The following GPHN variants were observed in gnomAD, a reference collection of about 807,000 sequenced individuals.
GPHN encodes the protein gephyrin.
A neutral mutation model predicts 95.5 loss-of-function variants in GPHN; 17 were observed. That is an observed-to-expected ratio of 0.18 (90% CI 0.12 to 0.27). The LOEUF (loss-of-function observed/expected upper bound fraction) is 0.27. Among genes scored for constraint, GPHN ranks in the 10% least tolerant of loss-of-function variants. The probability of loss-of-function intolerance (pLI) is 1.00; values close to 1 mark genes in which losing one functional copy is unlikely to be tolerated. For synonymous variants in GPHN, 320 were observed against 322.5 expected (o/e 0.99, Z 0.08); for missense variants, 660 against 978.1 (o/e 0.67, Z 4.34).
rs1450033804 is a variant in GPHN at position 67,181,520 on chromosome 14, C to T, written c.*583C>T. On this transcript the variant is annotated 3_prime_UTR_variant, in exon 23 of 23. Coordinates refer to ENST00000478722, the MANE Select transcript of GPHN (RefSeq NM_020806.5). ...TTCTCGCCCCAATAGCCTCACGGCA[C>T]AGTACTCTTGGGCAGTAACTGGACA... The T allele has an allele frequency of 1.9e-6, 1 of 513,700 alleles. No individual in the cohort carries two copies. Among genetic ancestry groups the T allele is most frequent in the East Asian group, 4.3e-5 (1 of 23,156 alleles). The allele number at this position is 513,700 out of a possible 1,614,324, so 31.8% of individuals were successfully genotyped here.
intron 4 of GPHN, among the ~76,000 whole-genome samples, chr14:66,845,178 A>G (rs965688055): frequency 2.0e-5 from 3 of 152,202 alleles, no homozygotes; most frequent in Non-Finnish European, 4.4e-5. Flanking sequence ...TAATGCTCCT[A>G]CAAACATTGG....
At chr14:67,294,657 A>G in the GPHN span, 1 of 152,062 alleles carries the variant, frequency 6.6e-6, no homozygotes, top group African/African-American at 2.4e-5. Flanking sequence ...ACACAAACCA[A>G]ATTTCTTAGA....
the GPHN span, chr14:67,382,329 T>G: frequency 6.5e-5 from 56 of 867,992 alleles, no homozygotes; most frequent in African/African-American, 9.7e-4. Context: ...CCTGTAGAAT[T>G]GGCAATTACG....
At chr14:66,802,501 T>C (rs561337880) in intron 3 of GPHN, among the ~76,000 whole-genome samples, 1 of 152,248 alleles carries the variant, frequency 6.6e-6, no homozygotes, top group Admixed American at 6.5e-5. Context: ...CCCTTTCACT[T>C]TTCCTTCTGC....
chr14:67,573,896 G>T, the GPHN span: 3 of 1,589,642 alleles, frequency 1.9e-6, no homozygotes, highest in Non-Finnish European at 2.6e-6. The surrounding 1 kb of genome is among the most constrained non-coding windows in gnomAD (Gnocchi z 4.8). Flanking sequence ...AGGTGAGCAC[G>T]CTCCTGGCTG....
At chr14:66,808,599 C>T (rs2060642352) in intron 3 of GPHN, among the ~76,000 whole-genome samples, 1 of 152,178 alleles carries the variant, frequency 6.6e-6, no homozygotes, top group Admixed American at 6.5e-5. Flanking sequence ...GAGTTTTAGA[C>T]CAGCCTGACC....
intron 4 of GPHN, among the ~76,000 whole-genome samples, chr14:66,878,275 G>A (rs574255899): frequency 6.6e-6 from 1 of 152,050 alleles, no homozygotes. Context: ...AAAAACCCTA[G>A]AAGAAAACAG....
chr14:67,540,115 T>C, the GPHN span, among the ~76,000 whole-genome samples: 673 of 152,234 alleles, frequency 4.4e-3, 18 homozygotes, highest in East Asian at 0.062. Context: ...AACAAATTTT[T>C]ATTATGGAAA....
At chr14:66,629,137 A>G (rs1374771265) in intron 1 of GPHN, among the ~76,000 whole-genome samples, 3 of 128,818 alleles carry the variant, frequency 2.3e-5, no homozygotes, top group African/African-American at 6.1e-5. Context: ...ATATAAATAT[A>G]TATTTATATA....
intron 1 of GPHN, among the ~76,000 whole-genome samples, chr14:66,543,057 G>T (rs7146890): frequency 0.31 from 47,204 of 151,810 alleles, 11,156 homozygotes; most frequent in African/African-American, 0.64. Context: ...GGGGGGAGAT[G>T]GTACACACTT....
At chr14:67,197,672 T>A in the GPHN span, among the ~76,000 whole-genome samples, 2 of 152,142 alleles carry the variant, frequency 1.3e-5, no homozygotes, top group Non-Finnish European at 2.9e-5. Context: ...CTCAGTTTAG[T>A]ATAGCTTTGA....
chr14:67,163,103 CA>C (rs1251756318), intron 19 of GPHN, among the ~76,000 whole-genome samples: 2 of 151,978 alleles, frequency 1.3e-5, no homozygotes, highest in African/African-American at 4.8e-5. Flanking sequence ...CTCAGGAGTT[CA>C]AGACCAGCCT....
the GPHN span, among the ~76,000 whole-genome samples, chr14:67,274,736 G>C: frequency 1.3e-5 from 2 of 152,124 alleles, no homozygotes; most frequent in Non-Finnish European, 2.9e-5. Flanking sequence ...TCACGATATT[G>C]ATTCTTCCCA....
chr14:67,205,113 T>A, the GPHN span: 2 of 1,534,660 alleles, frequency 1.3e-6, no homozygotes, highest in Non-Finnish European at 8.8e-7. Flanking sequence ...AAGACTTTCA[T>A]GCTTTAATAA....
intron 2 of GPHN, chr14:66,761,062 T>C: frequency 2.1e-6 from 1 of 481,250 alleles, no homozygotes; most frequent in Admixed American, 2.5e-5. Context: ...GAAGATGCCC[T>C]TTGGAGACTT....
At chr14:67,168,289 G>A (rs1480630647) in intron 20 of GPHN, among the ~76,000 whole-genome samples, 2 of 152,018 alleles carry the variant, frequency 1.3e-5, no homozygotes, top group African/African-American at 4.8e-5. Context: ...ATTGGATTAC[G>A]GCCACATCTT....
At position 67,129,916 on chromosome 14, in the gene GPHN, T is replaced by G. The variant is rs1340844090; in HGVS notation, c.1748+7539T>G. Among the ~76,000 whole-genome samples the G allele has an allele frequency of 2.0e-5, 3 of 152,038 alleles. No individual in the cohort carries two copies. In the South Asian group the frequency reaches 6.2e-4, roughly 32 times the overall value. On this transcript the variant is annotated intron_variant, in intron 17 of 22. Coordinates refer to ENST00000478722, the MANE Select transcript of GPHN (RefSeq NM_020806.5). Reference sequence around the variant, plus strand: ...AGAAAGAAAGTCTTTAATGTTACCCTTGACAAAATATCAACTATTTTACCT... The same window carrying G: ...AGAAAGAAAGTCTTTAATGTTACCCGTGACAAAATATCAACTATTTTACCT...
At chr14:67,489,247 A>C in the GPHN span, among the ~76,000 whole-genome samples, 1 of 152,214 alleles carries the variant, frequency 6.6e-6, no homozygotes, top group Non-Finnish European at 1.5e-5. Flanking sequence ...AGATTTGGCC[A>C]AATCCAAACA....
chr14:66,957,551 T>C (rs1407300193), intron 8 of GPHN, among the ~76,000 whole-genome samples: 1 of 152,102 alleles, frequency 6.6e-6, no homozygotes, highest in African/African-American at 2.4e-5. Flanking sequence ...TCAGAAAAAA[T>C]ACACTGTAAG....
Sources: gnomAD v4.1 joint callset for allele counts (sites outside exome capture counted in the v4.1 genomes callset) on GRCh38, gnomAD v4.1.1 for gene constraint, Gnocchi (gnomAD v3.1) non-coding constraint, MANE v1.5 for transcripts, NCBI Gene and HGNC (gene_info 2026-07-23, HGNC 2026-07-21) for gene names.